CUEDC1: variants seen among roughly 807,000 people sequenced by gnomAD.
CUEDC1 encodes the protein CUE domain-containing protein 1.
Under a neutral mutation model 43.7 loss-of-function variants are expected in CUEDC1, and 30 were observed. The observed-to-expected ratio is 0.69, with a 90% CI of 0.51 to 0.93. CUEDC1 has a LOEUF of 0.93. CUEDC1 is among the 40% of genes least tolerant of loss of function. CUEDC1 has a pLI of 0.00. For missense variants in CUEDC1, 486 were observed against 549.0 expected (o/e 0.89, Z 1.15); for synonymous variants, 223 against 223.6 (o/e 1.00, Z 0.02).
At chr17:57,900,854 T>C (rs1047448964) in intron 1 of CUEDC1, among the ~76,000 whole-genome samples, 1 of 152,194 alleles carries the variant, frequency 6.6e-6, no homozygotes, top group African/African-American at 2.4e-5. Flanking sequence ...CTGATGAGGC[T>C]TCAGGAAATG....
At chr17:57,886,441 C>T (rs562838202) in intron 1 of CUEDC1, among the ~76,000 whole-genome samples, 158 of 152,330 alleles carry the variant, frequency 1.0e-3, no homozygotes, top group African/African-American at 3.6e-3. Flanking sequence ...CATCGAACCC[C>T]GGGGACAGCA....
intron 1 of CUEDC1, among the ~76,000 whole-genome samples, chr17:57,917,600 G>A (rs922577902): frequency 6.6e-6 from 1 of 152,250 alleles, no homozygotes; most frequent in African/African-American, 2.4e-5. Context: ...TCCCATGAGA[G>A]AGAGGCCTTT....
chr17:57,897,843 A>T (rs4793923), intron 1 of CUEDC1, among the ~76,000 whole-genome samples: 131,437 of 151,848 alleles, frequency 0.87, 56,925 homozygotes, highest in East Asian at 0.99. Flanking sequence ...TGAAACCCCG[A>T]CTCTACTAAA....
At chr17:57,916,360 G>T (rs2074640690) in intron 1 of CUEDC1, among the ~76,000 whole-genome samples, 1 of 152,218 alleles carries the variant, frequency 6.6e-6, no homozygotes, top group African/African-American at 2.4e-5. Flanking sequence ...CCCCCAAAAG[G>T]CTTCCTGTCA....
chr17:57,872,253 C>T (rs1335680439), intron 5 of CUEDC1, among the ~76,000 whole-genome samples: 10 of 152,260 alleles, frequency 6.6e-5, no homozygotes, highest in Non-Finnish European at 2.9e-5. Context: ...TCAAGAGCCT[C>T]CCCCGCCCTG....
At chr17:57,941,422 C>T (rs759285152) in intron 1 of CUEDC1, among the ~76,000 whole-genome samples, 5 of 152,264 alleles carry the variant, frequency 3.3e-5, no homozygotes, top group African/African-American at 4.8e-5. Context: ...TTCACTACAA[C>T]GTGCCCATCC....
At chr17:57,879,582 C>G (rs2074174698) in intron 3 of CUEDC1, 29 bp downstream of exon 3, 2 of 1,566,700 alleles carry the variant, frequency 1.3e-6, no homozygotes, top group African/African-American at 1.4e-5. Flanking sequence ...CCCTGCCACC[C>G]TGTGCTCTGA....
Position 57,866,508 on chromosome 17 carries a change from T to C in CUEDC1, c.1130A>G (p.Lys377Arg), listed in dbSNP as rs1597965631. 6.2e-7 allele frequency: 1 copy of C among 1,614,162 alleles called. No homozygotes were observed. The highest frequency in any genetic ancestry group is 8.5e-7 in the Non-Finnish European group (1 of 1,180,024). The change falls in exon 10 of 11, where the codon AAG becomes AGG. Residue 377 changes from lysine to arginine, a missense_variant. Transcript: ENST00000577830. Reference protein sequence around the residue: ...DFRGRRQEAPKVEEGLREGQ With the variant: ...DFRGRRQEAPRVEEGLREGQ ...TCCTTCTCGCAGGCCTTCCTCCACC[T>C]TGGGTGCCTCCTGACGCCTGCCCCG...
intron 5 of CUEDC1, among the ~76,000 whole-genome samples, chr17:57,872,186 C>A (rs1392910517): frequency 6.6e-6 from 1 of 152,252 alleles, no homozygotes; most frequent in East Asian, 1.9e-4. Context: ...GGTCTCCAAC[C>A]CAGAGACAAC....
chr17:57,885,181 G>A (rs981773487), intron 2 of CUEDC1, 48 bp downstream of exon 2: 3 of 1,500,610 alleles, frequency 2.0e-6, no homozygotes, highest in Non-Finnish European at 1.8e-6. Flanking sequence ...CCTCCGGGGG[G>A]ATGCTGTCCT....
intron 6 of CUEDC1, among the ~76,000 whole-genome samples, chr17:57,870,151 G>A (rs918081829): frequency 6.6e-6 from 1 of 152,196 alleles, no homozygotes; most frequent in African/African-American, 2.4e-5. Flanking sequence ...TTCCAGGCAA[G>A]AGCCCTTCTC....
chr17:57,881,285 C>T (rs73992337), intron 2 of CUEDC1, among the ~76,000 whole-genome samples: 5,749 of 152,376 alleles, frequency 0.038, 344 homozygotes, highest in African/African-American at 0.13. Context: ...AATGCACTAA[C>T]GTTCTTTCCT....
intron 1 of CUEDC1, among the ~76,000 whole-genome samples, chr17:57,939,726 TGATC>T (rs1175138112): frequency 3.9e-5 from 6 of 151,996 alleles, no homozygotes; most frequent in Non-Finnish European, 7.4e-5. Context: ...GGTAGACAGC[TGATC>T]CACACAAGCC....
chr17:57,895,589 C>T (rs578165013), intron 1 of CUEDC1, among the ~76,000 whole-genome samples: 1 of 152,182 alleles, frequency 6.6e-6, no homozygotes, highest in Non-Finnish European at 1.5e-5. Flanking sequence ...GGACTATTTC[C>T]ACAACAGTCC....
intron 1 of CUEDC1, among the ~76,000 whole-genome samples, chr17:57,917,952 T>G (rs924087197): frequency 2.6e-5 from 4 of 152,184 alleles, no homozygotes; most frequent in African/African-American, 9.7e-5. Flanking sequence ...GTGTAGTCAC[T>G]CTCCTGTTCT....
chr17:57,942,308 A>G (rs910587052), intron 1 of CUEDC1, among the ~76,000 whole-genome samples: 2 of 152,164 alleles, frequency 1.3e-5, no homozygotes, highest in African/African-American at 4.8e-5. Context: ...TGCCACCTTC[A>G]TGGGGTGCGA....
At chr17:57,914,168 A>G (rs1248817109) in intron 1 of CUEDC1, among the ~76,000 whole-genome samples, 1 of 152,208 alleles carries the variant, frequency 6.6e-6, no homozygotes, top group Non-Finnish European at 1.5e-5. Flanking sequence ...GAATATGTCT[A>G]TTTATGTTGA....
chr17:57,866,787 C>A, intron 9 of CUEDC1: 1 of 517,460 alleles, frequency 1.9e-6, no homozygotes. Context: ...GTCTTTGGGC[C>A]TCAAATTTCC....
chr17:57,889,309 G>C (rs1046350824), intron 1 of CUEDC1, among the ~76,000 whole-genome samples: 4 of 152,188 alleles, frequency 2.6e-5, no homozygotes, highest in African/African-American at 2.4e-5. Context: ...GCCCTCACAG[G>C]GGGGATGGGG....
Sources: allele counts gnomAD v4.1 joint callset (sites outside exome capture counted in the v4.1 genomes callset), GRCh38; gene constraint gnomAD v4.1.1; transcripts MANE v1.5; gene names NCBI Gene and HGNC (gene_info 2026-07-23, HGNC 2026-07-21).